PLCB2: variants seen among roughly 807,000 people sequenced by gnomAD.
PLCB2 encodes the protein phospholipase C beta 2, also known as 1-phosphatidylinositol 4,5-bisphosphate phosphodiesterase beta-2.
PLCB2 carries 115 observed loss-of-function variants against 141.7 expected under a neutral mutation model. The observed-to-expected ratio is 0.81, with a 90% CI of 0.70 to 0.95. The LOEUF (loss-of-function observed/expected upper bound fraction) is 0.95. PLCB2 is among the 40% of genes least tolerant of loss of function. The probability of loss-of-function intolerance (pLI) is 0.00; values close to 1 mark genes in which losing one functional copy is unlikely to be tolerated. For synonymous variants in PLCB2, 603 were observed against 595.6 expected (o/e 1.01, Z -0.18); for missense variants, 1,403 against 1,541.1 (o/e 0.91, Z 1.50).
In PLCB2 at chr15:40,297,439, G is replaced by C; in HGVS notation, c.1323+82C>G. 4.8e-6 allele frequency: 5 copies of C among 1,033,410 alleles called. No homozygotes were observed. Among genetic ancestry groups the C allele is most frequent in the Non-Finnish European group, 7.7e-6 (5 of 653,018 alleles). The allele number at this position is 1,033,410 out of a possible 1,614,324, so 64.0% of individuals were successfully genotyped here. A position where few individuals can be genotyped will look rare whatever the true frequency, so the allele number is the denominator to read the frequency against. Reference sequence around the variant, plus strand: ...GTGAACCCTAGCATCCTCTGGGAGTGTCTCCCTCCCTAACCTGGTTCTCAC... The same window carrying C: ...GTGAACCCTAGCATCCTCTGGGAGTCTCTCCCTCCCTAACCTGGTTCTCAC... On this transcript the variant is annotated intron_variant, in intron 13 of 31. Coordinates refer to ENST00000260402, the MANE Select transcript of PLCB2 (RefSeq NM_004573.3). This position sits in a 1 kb window ranked among gnomAD's most constrained non-coding sequence, Gnocchi z 4.2.
In PLCB2 at chr15:40,307,541, G is replaced by GC. The variant is rs2040858792; in HGVS notation, c.84+47dup. On this transcript the variant is annotated intron_variant, in intron 1 of 31. Coordinates refer to ENST00000260402, the MANE Select transcript of PLCB2 (RefSeq NM_004573.3). ...CCAAGCAAAGCCCCGTAGCAGCCCG[G>GC]CCCCCACCACCTGGTGCTCCAGCAG... The GC allele has an allele frequency of 2.4e-6, 3 of 1,234,764 alleles. No homozygotes were observed. The East Asian group carries it at 7.5e-5, about 31-fold the overall frequency. The allele number at this position is 1,234,764 out of a possible 1,614,324, so 76.5% of individuals were successfully genotyped here. A position where few individuals can be genotyped will look rare whatever the true frequency, so the allele number is the denominator to read the frequency against.
Position 40,298,386 on chromosome 15 carries a change from C to A in PLCB2, c.998-6G>T. 2 of 1,579,318 alleles carry A rather than the reference C, an allele frequency of 1.3e-6. No homozygotes were observed. The highest frequency in any genetic ancestry group is 1.7e-6 in the Non-Finnish European group (2 of 1,159,082). On this transcript the variant is annotated splice_polypyrimidine_tract_variant and splice_region_variant and intron_variant, in intron 10 of 31. Transcript: ENST00000260402. Reference sequence around the variant, plus strand: ...GAGGCCTGAGAACTGGCCGGCTGAGCCAGAGGATGGGGAAGAGGTGAGGGC... The same window carrying A: ...GAGGCCTGAGAACTGGCCGGCTGAGACAGAGGATGGGGAAGAGGTGAGGGC...
intron 1 of PLCB2, among the ~76,000 whole-genome samples, chr15:40,305,910 C>A (rs973398604): frequency 6.6e-6 from 1 of 152,194 alleles, no homozygotes; most frequent in Non-Finnish European, 1.5e-5. Context: ...CTACCTGAAA[C>A]CATTCCTAGA....
chr15:40,289,946 AGAGAGAGAGAGAGAGAGAGAGAGT>A (rs2039776946), intron 30 of PLCB2, 55 bp downstream of exon 30: 26 of 221,172 alleles, frequency 1.2e-4, no homozygotes, highest in African/African-American at 3.2e-4. Flanking sequence ...AGAGAGAGAG[AGAGAGAGAGAGAGAGAGAGAGAGT>A]GTGTGTGTGT....
chr15:40,300,847 G>A (rs1232572382), intron 7 of PLCB2: 1 of 152,256 alleles, frequency 6.6e-6, no homozygotes, highest in African/African-American at 2.4e-5. Flanking sequence ...GTTTGGAGCA[G>A]AGGGTCTGAG....
rs769717468 is a variant in PLCB2, at chr15:40,296,286, G to A, written c.1696+10C>T. The A allele has an allele frequency of 3.1e-6, 5 of 1,600,580 alleles. No individual in the cohort carries two copies. In the South Asian group the frequency reaches 3.3e-5, roughly 11 times the overall value. On this transcript the variant is annotated intron_variant, in intron 16 of 31. Coordinates refer to ENST00000260402, the MANE Select transcript of PLCB2 (RefSeq NM_004573.3). Reference sequence around the variant, plus strand: ...TCTTACCCACCCGTAAGTTACTCATGCTAACTTACGGGCAGAGAACTCAAA... The same window carrying A: ...TCTTACCCACCCGTAAGTTACTCATACTAACTTACGGGCAGAGAACTCAAA...
intron 15 of PLCB2, 46 bp from the exon 16 acceptor site, chr15:40,296,438 C>A (rs1369968004): frequency 1.2e-6 from 2 of 1,613,228 alleles, no homozygotes; most frequent in Non-Finnish European, 1.7e-6. Context: ...TGGTGCAGAG[C>A]CCAGGAATGG....
In PLCB2 at chr15:40,296,378, C is replaced by T. The variant is rs771548932; in HGVS notation, c.1614G>A (p.Leu538=). Residue 538 remains leucine, a synonymous_variant, in exon 16 of 32, where the codon CTG becomes CTA. Coordinates refer to ENST00000260402, the MANE Select transcript of PLCB2 (RefSeq NM_004573.3). Reference sequence around the variant, plus strand: ...ACATCTCCTCATAAGCCGTCACTTCCAGGCCCGCTGTGCCCTAAGGAGAAG... The same window carrying T: ...ACATCTCCTCATAAGCCGTCACTTCTAGGCCCGCTGTGCCCTAAGGAGAAG... ...KMQSDEGTAG[L]EVTAYEEMSS... is the part of the protein sequence containing the mutation. 6.2e-7 allele frequency: 1 copy of T among 1,613,768 alleles called. No homozygotes were observed. The highest frequency in any genetic ancestry group is 1.1e-5 in the South Asian group (1 of 90,966).
chr15:40,295,555 C>T (rs941008887), intron 16 of PLCB2, among the ~76,000 whole-genome samples: 1 of 152,140 alleles, frequency 6.6e-6, no homozygotes, highest in Admixed American at 6.5e-5. Flanking sequence ...TAGATGGGCA[C>T]AGAGGGTATG....
chr15:40,297,809 G>T lies in PLCB2; in HGVS notation c.1238+68C>A. ...TGGTTAGAGGCTGGGGCAGTTGTGGGGAGGACAGTTGCAGACAGGAGACTG... is the reference window on the plus strand; with the variant it reads ...TGGTTAGAGGCTGGGGCAGTTGTGGTGAGGACAGTTGCAGACAGGAGACTG... On this transcript the variant is annotated intron_variant, in intron 12 of 31. Coordinates refer to ENST00000260402, the MANE Select transcript of PLCB2 (RefSeq NM_004573.3). The surrounding 1 kb of genome is among the most constrained non-coding windows in gnomAD (Gnocchi z 4.2). 7.9e-7 allele frequency: 1 copy of T among 1,270,724 alleles called. No individual in the cohort carries two copies. Among genetic ancestry groups the T allele is most frequent in the Non-Finnish European group, 1.1e-6 (1 of 871,948 alleles). The allele number at this position is 1,270,724 out of a possible 1,614,324, so 78.7% of individuals were successfully genotyped here.
chr15:40,286,645 G>A (rs2039616028), downstream of PLCB2, among the ~76,000 whole-genome samples: 1 of 152,182 alleles, frequency 6.6e-6, no homozygotes, highest in Non-Finnish European at 1.5e-5. Flanking sequence ...TGGAACCCAG[G>A]TGTCCTTCAC....
chr15:40,293,805 A>C, intron 19 of PLCB2, 81 bp from the exon 20 acceptor site: 1 of 1,417,954 alleles, frequency 7.1e-7, no homozygotes, highest in Admixed American at 1.9e-5. Flanking sequence ...CTGGCTGCCT[A>C]GAGCTGAAGC....
intron 18 of PLCB2, 34 bp from the exon 19 acceptor site, chr15:40,294,454 CA>C: frequency 6.2e-7 from 1 of 1,612,016 alleles, no homozygotes. Context: ...GAGGAAGGCC[CA>C]GCCCTGGGGC....
intron 18 of PLCB2, 106 bp downstream of exon 18, chr15:40,294,830 A>G (rs1595652785): frequency 1.4e-6 from 2 of 1,424,832 alleles, no homozygotes. Flanking sequence ...CAGAGTCTAC[A>G]CTAACAGCAG....
At chr15:40,289,902 C>T in intron 30 of PLCB2, 123 bp downstream of exon 30, 3 of 846,062 alleles carry the variant, frequency 3.5e-6, no homozygotes, top group Non-Finnish European at 6.1e-6. Flanking sequence ...AAGTCAGGGC[C>T]TGGGGCCACC....
chr15:40,289,224 C>T (rs2039715949), intron 31 of PLCB2, 48 bp downstream of exon 31: 1 of 1,516,666 alleles, frequency 6.6e-7, no homozygotes, highest in African/African-American at 1.4e-5. Flanking sequence ...CCTTTACAAC[C>T]CGGAACCCAT....
rs2141048237 is a variant in PLCB2 at position 40,291,271 on chromosome 15, T to C, written c.2864A>G (p.Lys955Arg). The C allele has an allele frequency of 3.2e-6, 5 of 1,569,374 alleles. No homozygotes were observed. The highest frequency in any genetic ancestry group is 1.1e-5 in the South Asian group (1 of 87,036). ...GCACCGCCACGAGCCTTACCTCTTC[T>C]TGCGAGAGCCCTTGCCGGGACCGAG... ...CKLGPGKGSRKKRSLPREESA... is the reference protein window; with the variant it reads ...CKLGPGKGSRRKRSLPREESA... Residue 955 changes from lysine to arginine, a missense_variant, in exon 26 of 32, where the codon AAG (lysine) becomes AGG (arginine). This residue lies in a region of PLCB2 where 290 missense variants were observed against 245.9 expected (regional missense o/e 1.18). Coordinates refer to ENST00000260402, the MANE Select transcript of PLCB2 (RefSeq NM_004573.3).
At chr15:40,292,578 ACTCT>A in intron 21 of PLCB2, 135 bp from the exon 22 acceptor site, 2 of 576,548 alleles carry the variant, frequency 3.5e-6, no homozygotes, top group Non-Finnish European at 6.2e-6. Context: ...GGTTACTTTA[ACTCT>A]CTGAGACTTT....
chr15:40,303,490 C>T, intron 2 of PLCB2, 134 bp from the exon 3 acceptor site: 1 of 667,282 alleles, frequency 1.5e-6, no homozygotes. Flanking sequence ...CTCTAGATGC[C>T]AGGCTGCCCA....
Sources: allele counts gnomAD v4.1 joint callset (sites outside exome capture counted in the v4.1 genomes callset), GRCh38; gene constraint gnomAD v4.1.1; regional missense constraint gnomAD v4.1.1; non-coding constraint Gnocchi (gnomAD v3.1); transcripts MANE v1.5; gene names NCBI Gene and HGNC (gene_info 2026-07-23, HGNC 2026-07-21).